Variants in ATP9B observed in about 807,000 individuals in gnomAD.
The protein encoded by ATP9B is probable phospholipid-transporting ATPase IIB.
Under a neutral mutation model 146.1 loss-of-function variants are expected in ATP9B, and 110 were observed. That is an observed-to-expected ratio of 0.75 (90% CI 0.65 to 0.88). The LOEUF (loss-of-function observed/expected upper bound fraction) is 0.88, where lower values mean the gene tolerates loss of function less well. ATP9B is among the 40% of genes least tolerant of loss of function. ATP9B has a pLI of 0.00. For synonymous variants in ATP9B, 604 were observed against 569.7 expected (o/e 1.06, Z -0.86); for missense variants, 1,499 against 1,496.4 (o/e 1.00, Z -0.03).
chr18:79,302,562 A>C (rs1296025427), intron 13 of ATP9B, among the ~76,000 whole-genome samples: 1 of 152,242 alleles, frequency 6.6e-6, no homozygotes, highest in Non-Finnish European at 1.5e-5. Context: ...AGCCAAATAA[A>C]TAAAACATAT....
At chr18:79,188,505 G>A (rs2095330278) in intron 8 of ATP9B, among the ~76,000 whole-genome samples, 1 of 152,104 alleles carries the variant, frequency 6.6e-6, no homozygotes, top group Admixed American at 6.5e-5. Context: ...TGATCCACCT[G>A]TCTTTTCCTT....
intron 14 of ATP9B, among the ~76,000 whole-genome samples, chr18:79,305,600 A>G (rs9945689): frequency 6.7e-6 from 1 of 148,982 alleles, no homozygotes; most frequent in Admixed American, 6.6e-5. Flanking sequence ...TCTGCTTTTT[A>G]AAAAAAAAAA....
rs150210406 is a variant in ATP9B at position 79,302,210 on chromosome 18, A to T, written c.1412-1394A>T. On this transcript the variant is annotated intron_variant, in intron 13 of 29. Coordinates refer to ENST00000426216, the MANE Select transcript of ATP9B (RefSeq NM_198531.5). ...TGTGTCATTGTTCATACTCAGATTT[A>T]TAACGTCAGCAGTATCCGTGGATAA... is the stretch of plus-strand genomic sequence containing the variant. Among the ~76,000 whole-genome samples the T allele has an allele frequency of 1.4e-4, 22 of 152,350 alleles. No homozygotes were observed. The East Asian group carries it at 3.5e-3, about 24-fold the overall frequency.
chr18:79,198,275 G>C (rs918748536), intron 9 of ATP9B, among the ~76,000 whole-genome samples: 2 of 152,140 alleles, frequency 1.3e-5, no homozygotes, highest in Admixed American at 6.5e-5. Flanking sequence ...CAAATATATG[G>C]TGCCTATAAG....
chr18:79,120,553 T>G (rs1455360201), intron 4 of ATP9B, among the ~76,000 whole-genome samples: 1 of 152,232 alleles, frequency 6.6e-6, no homozygotes, highest in Non-Finnish European at 1.5e-5. Flanking sequence ...TAAGTTGATT[T>G]CATTACATTT....
chr18:79,215,028 G>A (rs142254939), intron 11 of ATP9B, among the ~76,000 whole-genome samples: 2 of 151,378 alleles, frequency 1.3e-5, no homozygotes, highest in Non-Finnish European at 2.9e-5. Context: ...GGTGCCTGTA[G>A]TCCCCACTAC....
At chr18:79,296,203 A>G (rs892330665) in intron 13 of ATP9B, among the ~76,000 whole-genome samples, 1 of 152,150 alleles carries the variant, frequency 6.6e-6, no homozygotes, top group African/African-American at 2.4e-5. Flanking sequence ...TGTGATAGAG[A>G]TCGAGTCTCA....
intron 12 of ATP9B, among the ~76,000 whole-genome samples, chr18:79,272,702 T>C (rs980937575): frequency 6.6e-5 from 10 of 152,234 alleles, no homozygotes; most frequent in African/African-American, 1.2e-4. Context: ...TCATTTGCCA[T>C]AAACCCTCTA....
chr18:79,327,581 TCCGTGGTTAACGTGCC>T (rs1568697925), intron 15 of ATP9B, among the ~76,000 whole-genome samples: 16 of 137,732 alleles, frequency 1.2e-4, no homozygotes, highest in African/African-American at 3.2e-4. Context: ...TAGCGTGCTC[TCCGTGGTTAACGTGCC>T]CTCCGTGGTT....
chr18:79,295,163 C>T (rs1375739742), intron 13 of ATP9B, among the ~76,000 whole-genome samples: 1 of 152,038 alleles, frequency 6.6e-6, no homozygotes, highest in Non-Finnish European at 1.5e-5. Context: ...TGAGGGATTT[C>T]TAGTGTGTAT....
At chr18:79,112,675 C>T (rs900735807) in intron 3 of ATP9B, among the ~76,000 whole-genome samples, 5 of 151,790 alleles carry the variant, frequency 3.3e-5, no homozygotes, top group African/African-American at 7.3e-5. Flanking sequence ...CAGTCTATCT[C>T]GTGAAGTTAC....
chr18:79,373,999 GT>G lies in ATP9B; in HGVS notation c.3173del (p.Val1058GlyfsTer3). 1 of 1,614,180 alleles carries G rather than the reference GT, an allele frequency of 6.2e-7. No individual in the cohort carries two copies. Among genetic ancestry groups the G allele is most frequent in the Non-Finnish European group, 8.5e-7 (1 of 1,180,038 alleles). ...ACTGATCCTGACCGAGCTGCTGATG[GT>G]GGCGCTGACCGTCCGCACGTGGCAC... ...TALILTELLMVALTVRTWHWL... is the reference protein window; with the variant it reads ...TALILTELLMXALTVRTWHWL... On this transcript the variant is annotated frameshift_variant, in exon 28 of 30. Transcript: ENST00000426216. LOFTEE classifies it high-confidence loss of function.
intron 7 of ATP9B, among the ~76,000 whole-genome samples, chr18:79,167,004 C>T (rs1002363134): frequency 6.6e-6 from 1 of 152,172 alleles, no homozygotes. Flanking sequence ...GTGGCCAAAT[C>T]AGGCGTTCCA....
At chr18:79,127,032 C>G (rs535487136) in intron 5 of ATP9B, among the ~76,000 whole-genome samples, 2 of 152,200 alleles carry the variant, frequency 1.3e-5, no homozygotes, top group South Asian at 4.2e-4. Flanking sequence ...GAGGGAGACA[C>G]TGAAAAACTG....
rs540780028 is a variant in ATP9B at position 79,210,860 on chromosome 18, T to C, written c.1031-3102T>C. The stretch of plus-strand genomic sequence containing the variant: ...GAGAGTCAACAAATACATTGATTTG[T>C]TAATACCTCTGTCTCTCATTAGACA... On this transcript the variant is annotated intron_variant, in intron 10 of 29. Coordinates refer to ENST00000426216, the MANE Select transcript of ATP9B (RefSeq NM_198531.5). 5.3e-5 allele frequency among the ~76,000 whole-genome samples: 8 copies of C among 152,336 alleles called. No homozygotes were observed. In the South Asian group the frequency reaches 1.4e-3, roughly 28 times the overall value.
chr18:79,373,960 A>T lies in ATP9B; in HGVS notation c.3133A>T (p.Ile1045Phe). The T allele has an allele frequency of 6.2e-7, 1 of 1,613,950 alleles. No homozygotes were observed. Among genetic ancestry groups the T allele is most frequent in the Non-Finnish European group, 8.5e-7 (1 of 1,180,032 alleles). ...GTCTGAGTTCGTCCACGTGGTGGCC[A>T]TCTCCTTCACCGCACTGATCCTGAC... is the stretch of plus-strand genomic sequence containing the variant. ...FESEFVHVVA[I>F]SFTALILTEL... Residue 1045 changes from isoleucine to phenylalanine, a missense_variant, in exon 28 of 30, where the codon ATC (isoleucine) becomes TTC (phenylalanine). By Grantham distance (21) the Ile-to-Phe change is conservative (BLOSUM62 0). Transcript: ENST00000426216.
chr18:79,243,769 T>A (rs1391440325), intron 11 of ATP9B, among the ~76,000 whole-genome samples: 1 of 152,250 alleles, frequency 6.6e-6, no homozygotes, highest in Non-Finnish European at 1.5e-5. Context: ...CAACTTCAAA[T>A]GCTATGTTTA....
chr18:79,329,157 G>A lies in ATP9B; in HGVS notation c.1790G>A (p.Trp597Ter). The A allele has an allele frequency of 6.2e-7, 1 of 1,604,778 alleles. No homozygotes were observed. Among genetic ancestry groups the A allele is most frequent in the Non-Finnish European group, 8.5e-7 (1 of 1,176,652 alleles). The change falls in exon 16 of 30, where the codon TGG becomes TAG. Residue 597 changes from tryptophan to a stop codon, truncating the protein, a stop_gained. Coordinates refer to ENST00000426216, the MANE Select transcript of ATP9B (RefSeq NM_198531.5). LOFTEE classifies it high-confidence loss of function. ...SSPDEVALVQ[W>*]TESVGLTLVS... ...CTCCCGTAGGTCGCTCTGGTGCAGT[G>A]GACAGAGAGTGTGGGCCTCACGCTG...
intron 13 of ATP9B, among the ~76,000 whole-genome samples, chr18:79,296,739 T>C (rs1160422880): frequency 6.6e-6 from 1 of 152,236 alleles, no homozygotes; most frequent in Non-Finnish European, 1.5e-5. Context: ...TTTTAAAAAT[T>C]TAAATCAGCA....
Sources: allele counts gnomAD v4.1 joint callset (sites outside exome capture counted in the v4.1 genomes callset), GRCh38; gene constraint gnomAD v4.1.1; transcripts MANE v1.5; gene names NCBI Gene and HGNC (gene_info 2026-07-23, HGNC 2026-07-21).